Variants in PRKAG2 observed in about 807,000 individuals in gnomAD.
The protein encoded by PRKAG2 is 5'-AMP-activated protein kinase subunit gamma-2.
PRKAG2 carries 26 observed loss-of-function variants against 69.6 expected under a neutral mutation model. The observed-to-expected ratio is 0.37, with a 90% CI of 0.27 to 0.52. The LOEUF (loss-of-function observed/expected upper bound fraction) is 0.52, where lower values mean the gene tolerates loss of function less well. Ranked by LOEUF, PRKAG2 falls within the 20% of genes least tolerant of loss-of-function variation. The probability of loss-of-function intolerance (pLI) is 0.90; values close to 1 mark genes in which losing one functional copy is unlikely to be tolerated. For missense variants in PRKAG2, 557 were observed against 740.0 expected, an observed-to-expected ratio of 0.75 and a Z score of 2.87; for synonymous variants, 293 against 285.0, an observed-to-expected ratio of 1.03 and a Z score of -0.28.
At chr7:151,855,408 C>A (rs879114032) in intron 1 of PRKAG2, among the ~76,000 whole-genome samples, 1 of 43,644 alleles carries the variant, frequency 2.3e-5, no homozygotes, top group Non-Finnish European at 4.5e-5. Flanking sequence ...ACACACCACC[C>A]TCCACATACA....
In PRKAG2 at chr7:151,708,975, A is replaced by C. The variant is rs1179597877; in HGVS notation, c.467-33338T>G. Among the ~76,000 whole-genome samples the C allele has an allele frequency of 3.3e-5, 5 of 152,306 alleles. No homozygotes were observed. The East Asian group carries it at 9.7e-4, about 29-fold the overall frequency. On this transcript the variant is annotated intron_variant, in intron 3 of 15. Transcript: ENST00000287878. ...AGCTACCTAGTTCTGTGAGAATACC[A>C]GAAGCAGAGGGGCCGGAAACCATGA...
chr7:151,747,466 A>G (rs2074355087), intron 3 of PRKAG2, among the ~76,000 whole-genome samples: 1 of 152,152 alleles, frequency 6.6e-6, no homozygotes, highest in South Asian at 2.1e-4. Flanking sequence ...CTGAGGCAGG[A>G]GAATCGCTTG....
Position 151,556,921 on chromosome 7 carries a change from G to T in PRKAG2, c.*280C>A. The stretch of plus-strand genomic sequence containing the variant: ...TCCATACCAGTGAATTCTTTGAAAT[G>T]AAAAATAATGAAAACTTCAGGACAC... On this transcript the variant is annotated 3_prime_UTR_variant, in exon 16 of 16. Transcript: ENST00000287878. 2.1e-6 allele frequency: 1 copy of T among 467,918 alleles called. No individual in the cohort carries two copies. Among genetic ancestry groups the T allele is most frequent in the Non-Finnish European group, 3.9e-6 (1 of 257,366 alleles). The allele number at this position is 467,918 out of a possible 1,614,324, so 29.0% of individuals were successfully genotyped here.
intron 1 of PRKAG2, among the ~76,000 whole-genome samples, chr7:151,855,282 A>G (rs868849989): frequency 1.0e-4 from 4 of 39,822 alleles, no homozygotes. Flanking sequence ...CTCCACACAC[A>G]CCACCCTCCA....
intron 1 of PRKAG2, 109 bp downstream of exon 1, chr7:151,876,398 A>G (rs2080405826): frequency 2.8e-6 from 3 of 1,089,288 alleles, no homozygotes; most frequent in African/African-American, 3.1e-5. Flanking sequence ...CCGAAGTGAC[A>G]GGAGGGGCAC....
rs576709464 is a variant in PRKAG2 at position 151,583,319 on chromosome 7, T to C, written c.865-6867A>G. 6.6e-6 allele frequency among the ~76,000 whole-genome samples: 1 copy of C among 152,294 alleles called. No individual in the cohort carries two copies. Among genetic ancestry groups the C allele is most frequent in the East Asian group, 1.9e-4 (1 of 5,184 alleles). ...TGAAAGATTTATTCTTTTAATTTCA[T>C]CCACATACACTGTTGACCTGTCCGC... On this transcript the variant is annotated intron_variant, in intron 6 of 15. Transcript: ENST00000287878. This position sits in a 1 kb window ranked among gnomAD's most constrained non-coding sequence, Gnocchi z 4.1.
At position 151,788,108 on chromosome 7, in the gene PRKAG2, G is replaced by A. The variant is rs1421064698; in HGVS notation, c.115-1567C>T. Among the ~76,000 whole-genome samples, 1 of 152,182 alleles carries A rather than the reference G, an allele frequency of 6.6e-6. No homozygotes were observed. Among genetic ancestry groups the A allele is most frequent in the East Asian group, 1.9e-4 (1 of 5,198 alleles). ...AGGACCCTGCTTTCAATTCTTTCCA[G>A]TTATCCCCAGAAGTGGAACTGCTGG... On this transcript the variant is annotated intron_variant, in intron 1 of 15. Transcript: ENST00000287878. The surrounding 1 kb of genome is among the most constrained non-coding windows in gnomAD (Gnocchi z 4.6).
At chr7:151,751,290 A>T (rs1014059096) in intron 3 of PRKAG2, among the ~76,000 whole-genome samples, 3 of 151,176 alleles carry the variant, frequency 2.0e-5, no homozygotes, top group African/African-American at 7.3e-5. Context: ...TTATTTACTT[A>T]TTTTTAGTAG....
At chr7:151,747,405 A>G (rs2074348629) in intron 3 of PRKAG2, among the ~76,000 whole-genome samples, 1 of 152,126 alleles carries the variant, frequency 6.6e-6, no homozygotes, top group African/African-American at 2.4e-5. Context: ...AAAAATACAA[A>G]AATTAGCCGG....
chr7:151,568,564 G>GA (rs1806810552), intron 11 of PRKAG2, 152 bp downstream of exon 11: 1 of 750,396 alleles, frequency 1.3e-6, no homozygotes. Flanking sequence ...GTACAATTCA[G>GA]AGAGTAGTAA....
chr7:151,771,785 T>C lies in PRKAG2; in HGVS notation c.466+9367A>G, dbSNP rs1187979550. 1.3e-5 allele frequency among the ~76,000 whole-genome samples: 2 copies of C among 152,246 alleles called. No individual in the cohort carries two copies. Among genetic ancestry groups the C allele is most frequent in the Non-Finnish European group, 2.9e-5 (2 of 68,046 alleles). On this transcript the variant is annotated intron_variant, in intron 3 of 15. Coordinates refer to ENST00000287878, the MANE Select transcript of PRKAG2 (RefSeq NM_016203.4). The surrounding 1 kb of genome is among the most constrained non-coding windows in gnomAD (Gnocchi z 4.0). ...GGGAAGCTGTATGGAAGTGGTCATC[T>C]TGATGTCATCAATGATAATTGCCTC...
intron 1 of PRKAG2, among the ~76,000 whole-genome samples, chr7:151,831,781 G>T (rs2079031137): frequency 6.6e-6 from 1 of 152,176 alleles, no homozygotes; most frequent in African/African-American, 2.4e-5. Flanking sequence ...TGTGTCCCAG[G>T]CAGGAGCTGT....
intron 3 of PRKAG2, among the ~76,000 whole-genome samples, chr7:151,677,087 G>A (rs1223137306): frequency 6.6e-6 from 1 of 152,180 alleles, no homozygotes; most frequent in Non-Finnish European, 1.5e-5. Context: ...CCACTCAGTC[G>A]GTGGCACTTT....
intron 1 of PRKAG2, among the ~76,000 whole-genome samples, chr7:151,858,848 C>G (rs2079848216): frequency 6.6e-6 from 1 of 152,140 alleles, no homozygotes; most frequent in Admixed American, 6.5e-5. Flanking sequence ...TTGGAGGGAC[C>G]ATAAAGATGA....
intron 4 of PRKAG2, among the ~76,000 whole-genome samples, chr7:151,649,194 T>G (rs1415938803): frequency 2.0e-5 from 3 of 152,078 alleles, no homozygotes; most frequent in African/African-American, 7.3e-5. Flanking sequence ...GGTGTGATCT[T>G]GGCTCACTGC....
At position 151,567,091 on chromosome 7, in the gene PRKAG2, A is replaced by G. The variant is rs7790486; in HGVS notation, c.1234-1206T>C. On this transcript the variant is annotated intron_variant, in intron 11 of 15. Transcript: ENST00000287878. The surrounding 1 kb of genome is among the most constrained non-coding windows in gnomAD (Gnocchi z 4.2). ...TGTGCAACAGCACACTAGCAGAAAT[A>G]GTTTGGGCTTGGGAGTCAGAGAGAC... Among the ~76,000 whole-genome samples, 5,449 of 152,274 alleles carry G rather than the reference A, an allele frequency of 0.036. 334 individuals are homozygous for G. The highest frequency in any genetic ancestry group is 0.12 in the African/African-American group (5,151 of 41,532).
In PRKAG2 at chr7:151,632,366, C is replaced by T. The variant is rs992136252; in HGVS notation, c.685-228G>A. On this transcript the variant is annotated intron_variant, in intron 4 of 15. Coordinates refer to ENST00000287878, the MANE Select transcript of PRKAG2 (RefSeq NM_016203.4). The surrounding 1 kb of genome is among the most constrained non-coding windows in gnomAD (Gnocchi z 4.2). ...GTGGCGCGGCCGCGGCCCGCGTGCCCCTCCGCGAGTGGGACGCGCCGCTCC... is the reference window on the plus strand; with the variant it reads ...GTGGCGCGGCCGCGGCCCGCGTGCCTCTCCGCGAGTGGGACGCGCCGCTCC... 4.4e-5 allele frequency: 22 copies of T among 504,624 alleles called. No homozygotes were observed. The highest frequency in any genetic ancestry group is 5.3e-5 in the Non-Finnish European group (21 of 392,940). 31.3% of individuals were successfully genotyped at this position (504,624 alleles called of 1,614,324 possible).
At chr7:151,759,793 G>A (rs2075309051) in intron 3 of PRKAG2, among the ~76,000 whole-genome samples, 1 of 152,252 alleles carries the variant, frequency 6.6e-6, no homozygotes. Flanking sequence ...GCTGTTCTCA[G>A]GGCCAAGGGG....
At chr7:151,675,009 C>T (rs1179403018) in intron 4 of PRKAG2, 3 of 332,600 alleles carry the variant, frequency 9.0e-6, no homozygotes, top group Non-Finnish European at 1.8e-5. Flanking sequence ...GCAGTGTCTG[C>T]CATCTAGGTT....
Sources: allele counts gnomAD v4.1 joint callset (sites outside exome capture counted in the v4.1 genomes callset), GRCh38; gene constraint gnomAD v4.1.1; non-coding constraint Gnocchi (gnomAD v3.1); transcripts MANE v1.5; gene names NCBI Gene and HGNC (gene_info 2026-07-23, HGNC 2026-07-21).